DLG2: variants seen among roughly 807,000 people sequenced by gnomAD.
DLG2 encodes discs large MAGUK scaffold protein 2.
DLG2 carries 45 observed loss-of-function variants against 132.5 expected under a neutral mutation model. The ratio of observed to expected loss-of-function variants is 0.34; its 90% CI spans 0.27 to 0.44. The LOEUF is 0.44. DLG2 is among the 20% of genes least tolerant of loss of function. The probability of loss-of-function intolerance (pLI) is 1.00; values close to 1 mark genes in which losing one functional copy is unlikely to be tolerated. For missense variants in DLG2, 1,045 were observed against 1,196.9 expected (o/e 0.87, Z 1.87); for synonymous variants, 424 against 419.6 (o/e 1.01, Z -0.13).
At chr11:84,142,066 G>A (rs1033246869) in intron 9 of DLG2, among the ~76,000 whole-genome samples, 23 of 152,142 alleles carry the variant, frequency 1.5e-4, no homozygotes, top group Middle Eastern at 3.4e-3. Flanking sequence ...CACTTTGGGA[G>A]GCCGAGGCAG....
intron 15 of DLG2, among the ~76,000 whole-genome samples, chr11:83,888,865 G>C (rs1042367107): frequency 2.2e-3 from 335 of 152,168 alleles, no homozygotes; most frequent in African/African-American, 7.5e-3. Context: ...AAAGGATTCC[G>C]TATTTAATAC....
chr11:84,379,918 C>G (rs1294617444), intron 7 of DLG2, among the ~76,000 whole-genome samples: 1 of 151,616 alleles, frequency 6.6e-6, no homozygotes, highest in African/African-American at 2.4e-5. Flanking sequence ...CTGCAGAACA[C>G]CAAACATACA....
At chr11:84,318,506 G>A (rs1015519507) in intron 7 of DLG2, among the ~76,000 whole-genome samples, 1 of 152,160 alleles carries the variant, frequency 6.6e-6, no homozygotes, top group Admixed American at 6.5e-5. Context: ...GATTGACCAG[G>A]TGCTGGGGCA....
chr11:84,804,549 T>C (rs900948858), intron 6 of DLG2, among the ~76,000 whole-genome samples: 7 of 152,168 alleles, frequency 4.6e-5, no homozygotes, highest in East Asian at 1.9e-4. Flanking sequence ...AGGAACAACA[T>C]AGCAGTAACT....
chr11:84,875,783 C>G (rs552449515), intron 6 of DLG2, among the ~76,000 whole-genome samples: 1 of 152,198 alleles, frequency 6.6e-6, no homozygotes, highest in African/African-American at 2.4e-5. Context: ...GTCGCCCAGG[C>G]TGGAGTACAG....
At chr11:84,217,317 T>C (rs2096849337) in intron 8 of DLG2, among the ~76,000 whole-genome samples, 1 of 152,180 alleles carries the variant, frequency 6.6e-6, no homozygotes, top group Admixed American at 6.5e-5. Flanking sequence ...AATTGAATCA[T>C]GGGGGCAGGT....
At chr11:83,601,592 AC>A (rs2153376287) in intron 19 of DLG2, among the ~76,000 whole-genome samples, 1 of 138,466 alleles carries the variant, frequency 7.2e-6, no homozygotes, top group East Asian at 2.2e-4. Context: ...GCTCAATGCA[AC>A]CTCTGCCTCC....
intron 6 of DLG2, among the ~76,000 whole-genome samples, chr11:84,733,085 G>A (rs1444550831): frequency 6.6e-6 from 1 of 152,066 alleles, no homozygotes; most frequent in African/African-American, 2.4e-5. Flanking sequence ...ATTGTGAATA[G>A]TGCCACAATA....
intron 6 of DLG2, among the ~76,000 whole-genome samples, chr11:84,875,167 AG>A (rs2086146991): frequency 6.6e-6 from 1 of 152,074 alleles, no homozygotes; most frequent in African/African-American, 2.4e-5. Context: ...ATGACGGAGG[AG>A]GGGATTTTTC....
At chr11:83,822,539 A>C (rs2051121388) in intron 17 of DLG2, among the ~76,000 whole-genome samples, 1 of 152,158 alleles carries the variant, frequency 6.6e-6, no homozygotes, top group Non-Finnish European at 1.5e-5. Context: ...ACCCCTCAGC[A>C]GCTACAACAG....
chr11:83,723,591 A>C (rs1593127000), intron 18 of DLG2, among the ~76,000 whole-genome samples: 1 of 152,092 alleles, frequency 6.6e-6, no homozygotes, highest in Non-Finnish European at 1.5e-5. Flanking sequence ...ATAGTGGCTC[A>C]CGCCTGTAAT....
intron 6 of DLG2, among the ~76,000 whole-genome samples, chr11:84,846,422 A>G (rs1230413979): frequency 6.6e-6 from 1 of 152,150 alleles, no homozygotes; most frequent in Non-Finnish European, 1.5e-5. Context: ...CATCCTTCAC[A>G]ACCAATACAT....
chr11:85,099,361 TGCAA>T (rs1278776564), intron 6 of DLG2, among the ~76,000 whole-genome samples: 7 of 152,208 alleles, frequency 4.6e-5, no homozygotes, highest in African/African-American at 1.7e-4. Context: ...AGTAAGCAGA[TGCAA>T]GCAAGTCATT....
At chr11:85,197,521 A>C (rs1362922793) in intron 4 of DLG2, among the ~76,000 whole-genome samples, 2 of 152,208 alleles carry the variant, frequency 1.3e-5, no homozygotes, top group Non-Finnish European at 2.9e-5. Flanking sequence ...GAAAAGCTAT[A>C]CAATTATCTG....
intron 6 of DLG2, among the ~76,000 whole-genome samples, chr11:84,671,743 T>G (rs975417665): frequency 3.9e-5 from 6 of 152,184 alleles, no homozygotes; most frequent in Non-Finnish European, 7.4e-5. Context: ...TATGGACTTC[T>G]CTTGGTTTAA....
intron 7 of DLG2, among the ~76,000 whole-genome samples, chr11:84,281,862 A>T (rs1411798571): frequency 6.6e-6 from 1 of 152,168 alleles, no homozygotes; most frequent in Non-Finnish European, 1.5e-5. Flanking sequence ...AAGACTGACC[A>T]TATCAAGTGT....
At chr11:84,063,213 G>A (rs781665513) in intron 10 of DLG2, among the ~76,000 whole-genome samples, 2 of 152,152 alleles carry the variant, frequency 1.3e-5, no homozygotes, top group Non-Finnish European at 2.9e-5. Context: ...TGTTATACAC[G>A]TAAGTCTACA....
At chr11:84,885,706 A>G (rs1436215947) in intron 6 of DLG2, among the ~76,000 whole-genome samples, 1 of 152,086 alleles carries the variant, frequency 6.6e-6, no homozygotes, top group Non-Finnish European at 1.5e-5. Flanking sequence ...GGTGCATAGT[A>G]GGTATTCATG....
chr11:84,355,374 T>TGG (rs762380022), intron 7 of DLG2, among the ~76,000 whole-genome samples: 1 of 152,022 alleles, frequency 6.6e-6, no homozygotes, highest in Non-Finnish European at 1.5e-5. Context: ...GTGGGACCTT[T>TGG]GGGAGGTGAC....
Sources: allele counts gnomAD v4.1 joint callset (sites outside exome capture counted in the v4.1 genomes callset), GRCh38; gene constraint gnomAD v4.1.1; transcripts MANE v1.5; gene names NCBI Gene and HGNC (gene_info 2026-07-23, HGNC 2026-07-21).